The following DNAH5 variants were observed in gnomAD, a reference collection of about 807,000 sequenced individuals.
DNAH5 encodes axonemal beta dynein heavy chain 5.
In DNAH5, 372 loss-of-function variants were observed where a neutral mutation model predicts 518.2. The observed-to-expected ratio is 0.72, with a 90% CI of 0.66 to 0.78. DNAH5 has a LOEUF of 0.78. Ranked by LOEUF, DNAH5 falls within the 30% of genes least tolerant of loss-of-function variation. The probability of loss-of-function intolerance (pLI) is 0.00; values close to 1 mark genes in which losing one functional copy is unlikely to be tolerated. For missense variants in DNAH5, 5,523 were observed against 5,687.0 expected (o/e 0.97, Z 0.93); for synonymous variants, 2,039 against 2,025.9 (o/e 1.01, Z -0.17).
At chr5:13,717,281 C>T in intron 73 of DNAH5, 34 bp downstream of exon 73, 1 of 1,598,800 alleles carries the variant, frequency 6.3e-7, no homozygotes, top group Non-Finnish European at 8.6e-7. Flanking sequence ...AGCCCACAGC[C>T]ACTAGAGGCA....
chr5:13,713,543 C>T (rs960719087), intron 75 of DNAH5, among the ~76,000 whole-genome samples: 4 of 145,356 alleles, frequency 2.8e-5, no homozygotes, highest in East Asian at 2.0e-4. Flanking sequence ...GCATTTGGAG[C>T]GATCTGGATG....
intron 3 of DNAH5, among the ~76,000 whole-genome samples, chr5:13,923,943 G>A (rs1352943485): frequency 6.6e-6 from 1 of 152,186 alleles, no homozygotes; most frequent in African/African-American, 2.4e-5. Flanking sequence ...CTACTTGGGA[G>A]GCTGAGGCAG....
intron 1 of DNAH5, among the ~76,000 whole-genome samples, chr5:13,977,086 G>A (rs181091074): frequency 1.7e-4 from 26 of 152,270 alleles, no homozygotes; most frequent in African/African-American, 5.1e-4. Flanking sequence ...AAGGAGGGAC[G>A]CAGAGGTGCT....
chr5:13,692,022 C>A lies in DNAH5; in HGVS notation c.13837G>T (p.Val4613Leu). ...LRTAQTPEHW[V>L]LRGVALLCDV... is the part of the protein sequence containing the mutation. Reference sequence around the variant, plus strand: ...CACAGAAGGGCAACCCCACGGAGCACCCAGTGTTCAGGGGTCTGGGCTGTC... The same window carrying A: ...CACAGAAGGGCAACCCCACGGAGCAACCAGTGTTCAGGGGTCTGGGCTGTC... Residue 4613 changes from valine to leucine, a missense_variant, in exon 79 of 79, where the codon GTG becomes TTG. Physicochemically the swap from Val to Leu is conservative, Grantham distance 32 (BLOSUM62 1). Coordinates refer to ENST00000265104, the MANE Select transcript of DNAH5 (RefSeq NM_001369.3). 6.2e-7 allele frequency: 1 copy of A among 1,614,154 alleles called. No homozygotes were observed. Among genetic ancestry groups the A allele is most frequent in the Non-Finnish European group, 8.5e-7 (1 of 1,180,014 alleles).
At chr5:13,988,032 G>A (rs1463167951) in intron 1 of DNAH5, among the ~76,000 whole-genome samples, 1 of 152,096 alleles carries the variant, frequency 6.6e-6, no homozygotes, top group Non-Finnish European at 1.5e-5. Flanking sequence ...CCGCTAGGTG[G>A]TGAGCTTTCA....
intron 60 of DNAH5, among the ~76,000 whole-genome samples, chr5:13,759,251 G>C (rs532739203): frequency 6.6e-6 from 1 of 152,242 alleles, no homozygotes; most frequent in South Asian, 2.1e-4. Context: ...GGGCCAAGAG[G>C]CAAAATCAAA....
At position 13,763,151 on chromosome 5, in the gene DNAH5, T is replaced by A. The variant is rs555818600; in HGVS notation, c.10102-250A>T. Among the ~76,000 whole-genome samples, 4 of 152,290 alleles carry A rather than the reference T, an allele frequency of 2.6e-5. No homozygotes were observed. In the East Asian group the frequency reaches 7.7e-4, roughly 29 times the overall value. The stretch of plus-strand genomic sequence containing the variant: ...AGATACCAACCTTAAATAAATATAA[T>A]GAGATCCAGGGAAAGAGTAAATTAT... On this transcript the variant is annotated intron_variant, in intron 59 of 78. Transcript: ENST00000265104.
At chr5:13,791,942 A>C (rs1757061466) in intron 50 of DNAH5, 52 bp downstream of exon 50, 9 of 1,409,408 alleles carry the variant, frequency 6.4e-6, no homozygotes, top group Non-Finnish European at 8.9e-6. Flanking sequence ...AATATTTAGA[A>C]TATATCATTA....
At chr5:13,858,757 A>T (rs1282926117) in intron 30 of DNAH5, among the ~76,000 whole-genome samples, 1 of 152,192 alleles carries the variant, frequency 6.6e-6, no homozygotes, top group Admixed American at 6.5e-5. Flanking sequence ...ACCAAAAAAG[A>T]AGTTCAGAAA....
intron 51 of DNAH5, among the ~76,000 whole-genome samples, chr5:13,787,242 A>G (rs563535594): frequency 1.3e-5 from 2 of 152,188 alleles, no homozygotes; most frequent in South Asian, 4.2e-4. Flanking sequence ...AAAAAGCTAA[A>G]TTGGGCACCT....
intron 14 of DNAH5, 30 bp from the exon 15 acceptor site, chr5:13,900,442 C>G (rs760306385): frequency 1.6e-5 from 25 of 1,569,346 alleles, no homozygotes; most frequent in Non-Finnish European, 2.1e-5. Context: ...TCATTACTAT[C>G]AGAAAGTTCA....
At chr5:13,841,165 T>C (rs377372176) in intron 33 of DNAH5, 35 bp from the exon 34 acceptor site, 2 of 1,505,728 alleles carry the variant, frequency 1.3e-6, no homozygotes, top group African/African-American at 1.4e-5. Context: ...TGAATTTGTA[T>C]GGCATATTTA....
At chr5:13,872,413 C>T (rs773708482) in intron 22 of DNAH5, among the ~76,000 whole-genome samples, 9 of 152,126 alleles carry the variant, frequency 5.9e-5, no homozygotes, top group Non-Finnish European at 1.2e-4. Flanking sequence ...TGCATGTTTC[C>T]ATATCTTGTC....
intron 70 of DNAH5, among the ~76,000 whole-genome samples, chr5:13,725,098 A>T (rs2126551503): frequency 6.6e-6 from 1 of 152,352 alleles, no homozygotes; most frequent in African/African-American, 2.4e-5. Context: ...CAAATGGCCC[A>T]GCCCTTATGA....
chr5:13,709,872 T>C (rs1743259474), intron 75 of DNAH5, among the ~76,000 whole-genome samples: 1 of 152,148 alleles, frequency 6.6e-6, no homozygotes, highest in African/African-American at 2.4e-5. Flanking sequence ...GGTCCTTCCC[T>C]ACCCACCCTG....
intron 1 of DNAH5, among the ~76,000 whole-genome samples, chr5:13,967,258 A>G (rs1160367899): frequency 6.6e-6 from 1 of 152,212 alleles, no homozygotes; most frequent in Non-Finnish European, 1.5e-5. Flanking sequence ...GCCTAAGCCA[A>G]TGTCAAGAAG....
rs1205757837 is a variant in DNAH5 at position 13,870,785 on chromosome 5, A to G, written c.3816T>C (p.Phe1272=). 3 of 1,613,466 alleles carry G rather than the reference A, an allele frequency of 1.9e-6. No homozygotes were observed. Among genetic ancestry groups the G allele is most frequent in the African/African-American group, 1.3e-5 (1 of 74,906 alleles). ...EIREEQISID[F]QVGPIEESYA... is the part of the protein sequence containing the mutation. Reference sequence around the variant, plus strand: ...TAGTTACCTCAATAGGTCCTACTTGAAAGTCAATGGAGATTTGCTCCTCCC... The same window carrying G: ...TAGTTACCTCAATAGGTCCTACTTGGAAGTCAATGGAGATTTGCTCCTCCC... Residue 1272 remains phenylalanine, a synonymous_variant, in exon 24 of 79, where the codon TTT becomes TTC. Coordinates refer to ENST00000265104, the MANE Select transcript of DNAH5 (RefSeq NM_001369.3).
chr5:13,914,875 C>T (rs561002580), intron 9 of DNAH5, among the ~76,000 whole-genome samples: 2 of 152,188 alleles, frequency 1.3e-5, no homozygotes, highest in East Asian at 1.9e-4. Context: ...ATTTAGGCCA[C>T]CTTGTCTATG....
rs1460435926 is a variant in DNAH5, at chr5:13,855,203, C to CTT, written c.4950+4248_4950+4249insAA. The stretch of plus-strand genomic sequence containing the variant: ...ACATAGATTTTCATCATAAATCTTA[C>CTT]ATTTTTTTTTTTTTTTTTTTTTTGA... On this transcript the variant is annotated intron_variant, in intron 30 of 78. Transcript: ENST00000265104. Among the ~76,000 whole-genome samples the CTT allele has an allele frequency of 8.6e-5, 6 of 69,674 alleles. 1 individual carries two copies. Among genetic ancestry groups the CTT allele is most frequent in the Admixed American group, 2.0e-4 (1 of 4,984 alleles). The allele number at this position is 69,674 out of a possible 152,430, so 45.7% of individuals were successfully genotyped here. A position where few individuals can be genotyped will look rare whatever the true frequency, so the allele number is the denominator to read the frequency against.
Sources: allele counts gnomAD v4.1 joint callset (sites outside exome capture counted in the v4.1 genomes callset), GRCh38; gene constraint gnomAD v4.1.1; transcripts MANE v1.5; gene names NCBI Gene and HGNC (gene_info 2026-07-23, HGNC 2026-07-21).